The following PHKA2 variants were observed in gnomAD, a reference collection of about 807,000 sequenced individuals.
PHKA2 encodes the protein phosphorylase kinase regulatory subunit alpha 2, also known as phosphorylase b kinase regulatory subunit alpha, liver isoform.
In PHKA2, 31 loss-of-function variants were observed where a neutral mutation model predicts 102.0. The ratio of observed to expected loss-of-function variants is 0.30; its 90% CI spans 0.23 to 0.41. The LOEUF (loss-of-function observed/expected upper bound fraction) is 0.41. Among genes scored for constraint, PHKA2 ranks in the 10% least tolerant of loss-of-function variants. The probability of loss-of-function intolerance (pLI) is 1.00; values close to 1 mark genes in which losing one functional copy is unlikely to be tolerated. For missense variants in PHKA2, 858 were observed against 1,023.1 expected, an observed-to-expected ratio of 0.84 and a Z score of 2.20; for synonymous variants, 455 against 416.2, an observed-to-expected ratio of 1.09 and a Z score of -1.13.
chrX:18,915,830 G>GA (rs910311292), intron 19 of PHKA2, among the ~76,000 whole-genome samples: 1 of 111,312 alleles, frequency 9.0e-6, no homozygotes, highest in African/African-American at 3.3e-5. Flanking sequence ...AAAACAGAGG[G>GA]AAAAAAATGA....
Position 18,961,941 on chromosome X carries a change from C to A in PHKA2, c.79-7529G>T, listed in dbSNP as rs193090585. On this transcript the variant is annotated intron_variant, in intron 1 of 32. Coordinates refer to ENST00000379942, the MANE Select transcript of PHKA2 (RefSeq NM_000292.3). ...AGGACGGAGGTGAAGTTTAAGGAGGCAGAAGTTAGGGTAGTGAATTTCAGT... is the reference window on the plus strand; with the variant it reads ...AGGACGGAGGTGAAGTTTAAGGAGGAAGAAGTTAGGGTAGTGAATTTCAGT... 3.5e-3 allele frequency among the ~76,000 whole-genome samples: 386 copies of A among 110,228 alleles called. 1 individual carries two copies. Among genetic ancestry groups the A allele is most frequent in the African/African-American group, 0.012 (376 of 30,228 alleles).
Position 18,894,198 on chromosome X carries a change from C to G in PHKA2, c.3537+6G>C, listed in dbSNP as rs371619597. The G allele has an allele frequency of 1.2e-5, 15 of 1,206,279 alleles. No homozygotes were observed. The African/African-American group carries it at 2.6e-4, about 21-fold the overall frequency. ...GCCAGCCAACCCAGCTCCCTGGCAC[C>G]CCCACCTGGTCCTGCAAGAACAGCT... On this transcript the variant is annotated splice_donor_region_variant and intron_variant, in intron 32 of 32. Coordinates refer to ENST00000379942, the MANE Select transcript of PHKA2 (RefSeq NM_000292.3).
intron 1 of PHKA2, among the ~76,000 whole-genome samples, chrX:18,975,203 C>A (rs760395661): frequency 2.9e-4 from 32 of 111,729 alleles, no homozygotes; most frequent in Non-Finnish European, 5.6e-4. Flanking sequence ...TCCCACAATT[C>A]CCACATGTTG....
Position 18,960,416 on chromosome X carries a change from C to T in PHKA2, c.79-6004G>A, listed in dbSNP as rs773307065. Among the ~76,000 whole-genome samples the T allele has an allele frequency of 5.4e-5, 6 of 111,786 alleles. No homozygotes were observed. The East Asian group carries it at 1.7e-3, about 31-fold the overall frequency. On this transcript the variant is annotated intron_variant, in intron 1 of 32. Transcript: ENST00000379942. ...TTGGCTCATGGTTCTGTGGGCTGTA[C>T]AGGAAGCATGGGGCATCTGCTTCTG...
At chrX:18,926,769 CCCTCAACAA>C (rs2147919477) in intron 13 of PHKA2, among the ~76,000 whole-genome samples, 182 bp from the exon 14 acceptor site, 1 of 111,529 alleles carries the variant, frequency 9.0e-6, no homozygotes, top group East Asian at 2.8e-4. Context: ...TCCTTGCCAC[CCCTCAACAA>C]CCTCAACGCC....
chrX:18,954,393 A>G lies in PHKA2; in HGVS notation c.98T>C (p.Leu33Pro), dbSNP rs1223570057. The change falls in exon 2 of 33, where the codon CTG (leucine) becomes CCG (proline). Residue 33 changes from leucine (L) to proline (P), a missense_variant. By Grantham distance (98) the Leu-to-Pro change is moderately conservative. This residue lies in a region of PHKA2 where 187 missense variants were observed against 277.9 expected (regional missense o/e 0.67). Transcript: ENST00000379942. The stretch of plus-strand genomic sequence containing the variant: ...ATCCTTCTGCTCATGGCTGGCTGAC[A>G]GCAGCCCCGTGACGGGATTCTATTA... ...LCYQNPVTGL[L>P]SASHEQKDAW... 1 of 1,210,037 alleles carries G rather than the reference A, an allele frequency of 8.3e-7. No homozygotes were observed. The highest frequency in any genetic ancestry group is 1.1e-6 in the Non-Finnish European group (1 of 895,020).
At chrX:18,906,440 G>A in intron 25 of PHKA2, 55 bp downstream of exon 25, 1 of 1,201,520 alleles carries the variant, frequency 8.3e-7, no homozygotes. Context: ...GGAGGCCGTG[G>A]CCGGGTGGTT....
At chrX:18,972,425 A>G (rs1305452463) in intron 1 of PHKA2, among the ~76,000 whole-genome samples, 2 of 112,118 alleles carry the variant, frequency 1.8e-5, no homozygotes, top group African/African-American at 3.2e-5. Flanking sequence ...TTTCCCTGAA[A>G]AAGTCTCTTT....
intron 20 of PHKA2, among the ~76,000 whole-genome samples, chrX:18,910,490 G>A (rs986994009): frequency 9.0e-6 from 1 of 111,532 alleles, no homozygotes; most frequent in Non-Finnish European, 1.9e-5. Context: ...AATTTAAAAA[G>A]GCCATTAGGA....
chrX:18,982,367 T>C (rs1445372124), intron 1 of PHKA2, among the ~76,000 whole-genome samples: 2 of 112,558 alleles, frequency 1.8e-5, no homozygotes, highest in Non-Finnish European at 3.8e-5. Flanking sequence ...TTACTGAAAT[T>C]ATGTGAATAT....
At chrX:18,942,560 C>T (rs1342753859) in intron 7 of PHKA2, among the ~76,000 whole-genome samples, 1 of 111,292 alleles carries the variant, frequency 9.0e-6, no homozygotes, top group Non-Finnish European at 1.9e-5. Context: ...ATGCACACCA[C>T]GTCCAGGCAC....
chrX:18,902,598 C>G (rs2047714727), intron 26 of PHKA2, among the ~76,000 whole-genome samples: 3 of 105,895 alleles, frequency 2.8e-5, no homozygotes, highest in African/African-American at 1.0e-4. Flanking sequence ...CCTGTCTCTA[C>G]TAAAAAAACA....
chrX:18,938,821 G>T, intron 9 of PHKA2, 72 bp from the exon 10 acceptor site: 1 of 990,394 alleles, frequency 1.0e-6, no homozygotes, highest in Non-Finnish European at 1.4e-6. Flanking sequence ...TGCCTCATGG[G>T]GTTTCCCATG....
intron 19 of PHKA2, among the ~76,000 whole-genome samples, chrX:18,918,460 A>G (rs182415813): frequency 5.8e-4 from 65 of 112,316 alleles, no homozygotes; most frequent in Admixed American, 5.7e-4. Flanking sequence ...AATCAAGTCA[A>G]TGCATGTGAA....
chrX:18,976,541 T>G (rs1375467042), intron 1 of PHKA2, among the ~76,000 whole-genome samples: 1 of 111,866 alleles, frequency 8.9e-6, no homozygotes, highest in Non-Finnish European at 1.9e-5. Flanking sequence ...AAATACTACA[T>G]ACAATAAAAT....
chrX:18,931,554 G>A (rs2048315202), intron 12 of PHKA2, 87 bp downstream of exon 12: 5 of 662,151 alleles, frequency 7.6e-6, no homozygotes, highest in Admixed American at 4.4e-5. Context: ...CCACACGCAC[G>A]CCTGGCAGAG....
chrX:18,900,669 C>T lies in PHKA2; in HGVS notation c.3057+1G>A. On this transcript the variant is annotated splice_donor_variant, in intron 28 of 32. Coordinates refer to ENST00000379942, the MANE Select transcript of PHKA2 (RefSeq NM_000292.3). LOFTEE classifies it high-confidence loss of function. ...GGACGAACAAGGCAAAGGGGTGTCA[C>T]CTGTTCATCAGCACTAAACCGCCTA... The T allele has an allele frequency of 8.3e-7, 1 of 1,207,356 alleles. No homozygotes were observed. The highest frequency in any genetic ancestry group is 1.8e-5 in the South Asian group (1 of 56,891).
In PHKA2 at chrX:18,895,198, GCAGAATAGAGCGCATTTCAGTCAGATTC is replaced by G. The variant is rs1462683833; in HGVS notation, c.3283-35_3283-8del. ...CGATGGAGAGACCGTGGCACTGGAG[GCAGAATAGAGCGCATTTCAGTCAGATTC>G]CAGAATGGGATAAGCACATGCATGC... On this transcript the variant is annotated splice_polypyrimidine_tract_variant and splice_region_variant and intron_variant, in intron 30 of 32. Transcript: ENST00000379942. The G allele has an allele frequency of 3.3e-6, 4 of 1,205,354 alleles. No individual in the cohort carries two copies. The highest frequency in any genetic ancestry group is 4.5e-6 in the Non-Finnish European group (4 of 890,817).
rs1229552621 is a variant in PHKA2 at position 18,936,113 on chromosome X, A to G, written c.1079T>C (p.Ile360Thr). Residue 360 changes from isoleucine (I) to threonine (T), a missense_variant, in exon 11 of 33, where the codon ATC becomes ACC. Ile to Thr is a moderately conservative substitution (Grantham distance 89). Coordinates refer to ENST00000379942, the MANE Select transcript of PHKA2 (RefSeq NM_000292.3). ...CAGGCGGATCCCATTCTTGCCTCTG[A>G]TGAGTATTCCCTCCAGGGCCTCTCG... ...EYREALEGIL[I>T]RGKNGIRLVP... is the part of the protein sequence containing the mutation. 1 of 1,207,102 alleles carries G rather than the reference A, an allele frequency of 8.3e-7. No individual in the cohort carries two copies. The highest frequency in any genetic ancestry group is 1.8e-5 in the South Asian group (1 of 56,673).
Sources: gnomAD v4.1 joint callset for allele counts (sites outside exome capture counted in the v4.1 genomes callset) on GRCh38, gnomAD v4.1.1 for gene constraint, gnomAD v4.1.1 regional missense constraint, MANE v1.5 for transcripts, NCBI Gene and HGNC (gene_info 2026-07-23, HGNC 2026-07-21) for gene names.